SZT2: variants seen among roughly 807,000 people sequenced by gnomAD.
SZT2 encodes the protein SZT2 subunit of KICSTOR complex, also known as KICSTOR complex protein SZT2.
SZT2 carries 216 observed loss-of-function variants against 404.2 expected under a neutral mutation model. The ratio of observed to expected loss-of-function variants is 0.53; its 90% CI spans 0.48 to 0.60. The LOEUF (loss-of-function observed/expected upper bound fraction) is 0.60, where lower values mean the gene tolerates loss of function less well. Ranked by LOEUF, SZT2 falls within the 20% of genes least tolerant of loss-of-function variation. SZT2 has a pLI of 0.00. For synonymous variants in SZT2, 1,693 were observed against 1,749.9 expected, an observed-to-expected ratio of 0.97 and a Z score of 0.81; for missense variants, 3,857 against 4,459.2, an observed-to-expected ratio of 0.86 and a Z score of 3.85.
Position 43,426,306 on chromosome 1 carries a change from C to A in SZT2, c.3044-62C>A. 1 of 1,505,292 alleles carries A rather than the reference C, an allele frequency of 6.6e-7. No homozygotes were observed. Among genetic ancestry groups the A allele is most frequent in the Middle Eastern group, 1.8e-4 (1 of 5,512 alleles). The allele number at this position is 1,505,292 out of a possible 1,614,324, so 93.2% of individuals were successfully genotyped here. A position where few individuals can be genotyped will look rare whatever the true frequency, so the allele number is the denominator to read the frequency against. Reference sequence around the variant, plus strand: ...TGAAGGAGGGGCCAGCTGGTCAGGGCTGAGCCGGGGGCACCGGGCAGCAGG... The same window carrying A: ...TGAAGGAGGGGCCAGCTGGTCAGGGATGAGCCGGGGGCACCGGGCAGCAGG... On this transcript the variant is annotated intron_variant, in intron 21 of 71. Coordinates refer to ENST00000634258, the MANE Select transcript of SZT2 (RefSeq NM_001365999.1). The surrounding 1 kb of genome is among the most constrained non-coding windows in gnomAD (Gnocchi z 4.9).
intron 36 of SZT2, 92 bp from the exon 37 acceptor site, chr1:43,432,180 G>A (rs778368252): frequency 3.8e-5 from 52 of 1,354,600 alleles, no homozygotes; most frequent in Admixed American, 1.6e-4. Flanking sequence ...TGCTTTACCA[G>A]GTAGTTAGGA....
intron 3 of SZT2, 81 bp from the exon 4 acceptor site, chr1:43,404,299 T>C (rs1650035352): frequency 8.2e-7 from 1 of 1,214,838 alleles, no homozygotes; most frequent in East Asian, 2.3e-5. Context: ...AGTGTCCTAC[T>C]GACCCATGGA....
In SZT2 at chr1:43,437,719, C is replaced by G. The variant is rs756799362; in HGVS notation, c.6396+19C>G. 2 of 1,614,162 alleles carry G rather than the reference C, an allele frequency of 1.2e-6. No individual in the cohort carries two copies. Among genetic ancestry groups the G allele is most frequent in the Non-Finnish European group, 1.7e-6 (2 of 1,180,010 alleles). ...AGCCTCGGCATGTATCACTCCCACTCTCTGATGCCCCTGTGTTCCTCTTGC... is the reference window on the plus strand; with the variant it reads ...AGCCTCGGCATGTATCACTCCCACTGTCTGATGCCCCTGTGTTCCTCTTGC... On this transcript the variant is annotated intron_variant, in intron 45 of 71. Coordinates refer to ENST00000634258, the MANE Select transcript of SZT2 (RefSeq NM_001365999.1). The surrounding 1 kb of genome is among the most constrained non-coding windows in gnomAD (Gnocchi z 5.3).
chr1:43,430,769 G>A lies in SZT2; in HGVS notation c.4754G>A (p.Cys1585Tyr), dbSNP rs1241471403. The A allele has an allele frequency of 6.2e-6, 10 of 1,609,916 alleles. No homozygotes were observed. The highest frequency in any genetic ancestry group is 7.6e-6 in the Non-Finnish European group (9 of 1,178,402). Reference sequence around the variant, plus strand: ...GGGCAGCACAGCTCAGTACCTGTGTGCAGCCTGCCTACCTGCCTGGGTGAG... The same window carrying A: ...GGGCAGCACAGCTCAGTACCTGTGTACAGCCTGCCTACCTGCCTGGGTGAG... ...LRGQHSSVPV[C>Y]SLPTCLGQVL... Residue 1585 changes from cysteine to tyrosine, a missense_variant, in exon 32 of 72, where the codon TGC becomes TAC. Coordinates refer to ENST00000634258, the MANE Select transcript of SZT2 (RefSeq NM_001365999.1).
intron 63 of SZT2, 85 bp downstream of exon 63, chr1:43,446,069 G>A (rs984555501): frequency 6.3e-7 from 1 of 1,581,404 alleles, no homozygotes; most frequent in East Asian, 2.2e-5. Flanking sequence ...GATGTACCGA[G>A]GTCACTGATC....
intron 1 of SZT2, 111 bp downstream of exon 1, chr1:43,390,106 C>T: frequency 7.9e-7 from 1 of 1,260,038 alleles, no homozygotes; most frequent in South Asian, 1.9e-5. Flanking sequence ...GCTGCGTAGC[C>T]TCGGCAGGGA....
chr1:43,453,218 T>G lies in SZT2; in HGVS notation c.*2738T>G, dbSNP rs1032761738. 5 of 636,744 alleles carry G rather than the reference T, an allele frequency of 7.9e-6. No individual in the cohort carries two copies. Among genetic ancestry groups the G allele is most frequent in the Non-Finnish European group, 1.4e-5 (5 of 362,602 alleles). 39.4% of individuals were successfully genotyped at this position (636,744 alleles called of 1,614,324 possible). ...TGAAAGAGTGGCAAACAGAGTGGCATAAGACAGATAAAATACAAAAGGCAA... is the reference window on the plus strand; with the variant it reads ...TGAAAGAGTGGCAAACAGAGTGGCAGAAGACAGATAAAATACAAAAGGCAA... On this transcript the variant is annotated 3_prime_UTR_variant, in exon 72 of 72. Coordinates refer to ENST00000634258, the MANE Select transcript of SZT2 (RefSeq NM_001365999.1).
chr1:43,393,152 A>G (rs1036578212), intron 1 of SZT2, among the ~76,000 whole-genome samples: 7 of 152,250 alleles, frequency 4.6e-5, no homozygotes, highest in Non-Finnish European at 4.4e-5. Context: ...AAGAATAGGT[A>G]GAAGTTTTCT....
At chr1:43,390,827 G>T (rs1648206169) in intron 1 of SZT2, among the ~76,000 whole-genome samples, 1 of 152,190 alleles carries the variant, frequency 6.6e-6, no homozygotes, top group South Asian at 2.1e-4. Context: ...CACCAGGAAA[G>T]GTGCCAACAT....
In SZT2 at chr1:43,426,687, C is replaced by T; in HGVS notation, c.3215-28C>T. ...CCCGCCTCTCTGCTGGCCCTGCCCTCTTTCACCCATCTCTACCCCCATTGT... is the reference window on the plus strand; with the variant it reads ...CCCGCCTCTCTGCTGGCCCTGCCCTTTTTCACCCATCTCTACCCCCATTGT... On this transcript the variant is annotated intron_variant, in intron 22 of 71. Transcript: ENST00000634258. This position sits in a 1 kb window ranked among gnomAD's most constrained non-coding sequence, Gnocchi z 4.9. The T allele has an allele frequency of 6.3e-7, 1 of 1,578,270 alleles. No homozygotes were observed. The highest frequency in any genetic ancestry group is 8.6e-7 in the Non-Finnish European group (1 of 1,159,900).
At position 43,427,301 on chromosome 1, in the gene SZT2, T is replaced by C. The variant is rs770621278; in HGVS notation, c.3454T>C (p.Cys1152Arg). The change falls in exon 25 of 72, where the codon TGT (cysteine) becomes CGT (arginine). Residue 1152 changes from cysteine to arginine, a missense_variant. Around this residue, in one of 7 missense-constraint regions of SZT2, gnomAD observed 1,725 missense variants for 1,881.0 expected, o/e 0.92. Transcript: ENST00000634258. ...TFSDVQRLAA[C>R]GLEGPPQEET... The stretch of plus-strand genomic sequence containing the variant: ...TTCAGATGTCCAGCGTCTGGCTGCC[T>C]GTGGCCTGGAGGGACCCCCTCAAGA... The C allele has an allele frequency of 1.9e-6, 3 of 1,611,074 alleles. No homozygotes were observed. Among genetic ancestry groups the C allele is most frequent in the Non-Finnish European group, 1.7e-6 (2 of 1,178,492 alleles).
chr1:43,449,429 C>T lies in SZT2; in HGVS notation c.10087-674C>T, dbSNP rs186573062. 1.3e-3 allele frequency: 205 copies of T among 159,614 alleles called. 4 individuals are homozygous for T. The highest frequency in any genetic ancestry group is 1.5e-3 in the Admixed American group (25 of 17,082). The allele number at this position is 159,614 out of a possible 1,614,324, so 9.9% of individuals were successfully genotyped here. On this transcript the variant is annotated intron_variant, in intron 70 of 71. Transcript: ENST00000634258. ...TCATTTCAGGGTGCAGGAAGGGTCT[C>T]CCAGAGAAGCCAAGGTCAGTTAGGA...
chr1:43,404,374 C>T lies in SZT2; in HGVS notation c.328-6C>T, dbSNP rs771488309. 1.2e-4 allele frequency: 186 copies of T among 1,609,928 alleles called. No individual in the cohort carries two copies. The highest frequency in any genetic ancestry group is 1.5e-4 in the Non-Finnish European group (177 of 1,177,592). ...ACCCCCTTGAGTGCTCTTTCTCTGC[C>T]CTCAGGATGATTCCACAGGGGAGAT... is the stretch of plus-strand genomic sequence containing the variant. On this transcript the variant is annotated splice_polypyrimidine_tract_variant and splice_region_variant and intron_variant, in intron 3 of 71. Transcript: ENST00000634258.
At position 43,424,757 on chromosome 1, in the gene SZT2, C is replaced by T. The variant is rs1383687401; in HGVS notation, c.2472-27C>T. ...GTGTCTCTTCTTCCCTTATCCTGGCCTTGCCCCGGCCTTTATGGGGCTTCA... is the reference window on the plus strand; with the variant it reads ...GTGTCTCTTCTTCCCTTATCCTGGCTTTGCCCCGGCCTTTATGGGGCTTCA... On this transcript the variant is annotated intron_variant, in intron 16 of 71. Coordinates refer to ENST00000634258, the MANE Select transcript of SZT2 (RefSeq NM_001365999.1). This position sits in a 1 kb window ranked among gnomAD's most constrained non-coding sequence, Gnocchi z 4.1. The T allele has an allele frequency of 1.9e-6, 3 of 1,604,886 alleles. No individual in the cohort carries two copies. Among genetic ancestry groups the T allele is most frequent in the Admixed American group, 1.7e-5 (1 of 59,960 alleles).
At chr1:43,399,790 T>A (rs915104981) in intron 1 of SZT2, among the ~76,000 whole-genome samples, 8 of 150,278 alleles carry the variant, frequency 5.3e-5, no homozygotes, top group African/African-American at 1.9e-4. Flanking sequence ...AATGCAGATA[T>A]AATGTTACTG....
At position 43,451,726 on chromosome 1, in the gene SZT2, GA is replaced by G; in HGVS notation, c.*1247del. On this transcript the variant is annotated 3_prime_UTR_variant, in exon 72 of 72. Coordinates refer to ENST00000634258, the MANE Select transcript of SZT2 (RefSeq NM_001365999.1). The stretch of plus-strand genomic sequence containing the variant: ...TGCCAGTGGAATATGTCCTAGGGAA[GA>G]GGATACTACATTCCGAGACCCCGCA... 6.2e-7 allele frequency: 1 copy of G among 1,614,050 alleles called. No individual in the cohort carries two copies. The highest frequency in any genetic ancestry group is 8.5e-7 in the Non-Finnish European group (1 of 1,179,906).
chr1:43,453,833 A>AAGGCGGC lies in SZT2; in HGVS notation c.*3354_*3360dup, dbSNP rs1656747463. On this transcript the variant is annotated 3_prime_UTR_variant, in exon 72 of 72. Transcript: ENST00000634258. ...GGCCGGGCGGAGTCCGCGGGATCCA[A>AAGGCGGC]AGGCGGCGGGCGGCGGGCGGCGGGC... 8.3e-7 allele frequency: 1 copy of AAGGCGGC among 1,202,050 alleles called. No homozygotes were observed. 74.5% of individuals were successfully genotyped at this position (1,202,050 alleles called of 1,614,324 possible).
chr1:43,420,398 A>T lies in SZT2; in HGVS notation c.1261+75A>T. On this transcript the variant is annotated intron_variant, in intron 9 of 71. Transcript: ENST00000634258. This position sits in a 1 kb window ranked among gnomAD's most constrained non-coding sequence, Gnocchi z 5.1. Reference sequence around the variant, plus strand: ...GTGTGTGGGAAGACCCACATGTATCACACATGAAAGAGTGTCACATTGAAG... The same window carrying T: ...GTGTGTGGGAAGACCCACATGTATCTCACATGAAAGAGTGTCACATTGAAG... 1 of 1,453,742 alleles carries T rather than the reference A, an allele frequency of 6.9e-7. No individual in the cohort carries two copies. The highest frequency in any genetic ancestry group is 2.5e-5 in the East Asian group (1 of 40,290). The allele number at this position is 1,453,742 out of a possible 1,614,324, so 90.1% of individuals were successfully genotyped here.
At position 43,441,508 on chromosome 1, in the gene SZT2, C is replaced by T. The variant is rs200935344; in HGVS notation, c.7516C>T (p.Arg2506Trp). 7.1e-5 allele frequency: 114 copies of T among 1,613,474 alleles called. No individual in the cohort carries two copies. Among genetic ancestry groups the T allele is most frequent in the Admixed American group, 5.0e-5 (3 of 59,972 alleles). The part of the protein sequence containing the change: ...SDSGAQRQKR[R>W]TTQLEEGEVG... The stretch of plus-strand genomic sequence containing the variant: ...TCTTACTCCCACTGTCTTCAGGCGC[C>T]GGACAACACAGCTAGAAGAGGGTGA... Residue 2506 changes from arginine to tryptophan, a missense_variant, in exon 54 of 72, where the codon CGG becomes TGG. Around this residue, in one of 7 missense-constraint regions of SZT2, gnomAD observed 573 missense variants for 592.4 expected, o/e 0.97. Coordinates refer to ENST00000634258, the MANE Select transcript of SZT2 (RefSeq NM_001365999.1). The surrounding 1 kb of genome is among the most constrained non-coding windows in gnomAD (Gnocchi z 4.8).
Sources: allele counts gnomAD v4.1 joint callset (sites outside exome capture counted in the v4.1 genomes callset), GRCh38; gene constraint gnomAD v4.1.1; regional missense constraint gnomAD v4.1.1; non-coding constraint Gnocchi (gnomAD v3.1); transcripts MANE v1.5; gene names NCBI Gene and HGNC (gene_info 2026-07-23, HGNC 2026-07-21).